Variants in ATP10B observed in about 807,000 individuals in gnomAD.
The protein encoded by ATP10B is phospholipid-transporting ATPase VB.
ATP10B carries 122 observed loss-of-function variants against 141.2 expected under a neutral mutation model. That is an observed-to-expected ratio of 0.86 (90% confidence interval 0.75 to 1.00). ATP10B has a LOEUF of 1.00. Ranked by LOEUF, ATP10B falls within the 50% of genes least tolerant of loss-of-function variation. ATP10B has a pLI of 0.00. For synonymous variants in ATP10B, 685 were observed against 692.0 expected (o/e 0.99, Z 0.16); for missense variants, 1,876 against 1,825.3 (o/e 1.03, Z -0.51).
At chr5:160,689,896 C>A (rs1334203686) in intron 3 of ATP10B, among the ~76,000 whole-genome samples, 1 of 151,946 alleles carries the variant, frequency 6.6e-6, no homozygotes, top group African/African-American at 2.4e-5. Context: ...CCCATATAGC[C>A]AAGGCAATCC....
intron 1 of ATP10B, among the ~76,000 whole-genome samples, chr5:160,838,122 T>C (rs1326494803): frequency 6.6e-6 from 1 of 152,184 alleles, no homozygotes; most frequent in Non-Finnish European, 1.5e-5. Context: ...CATCAATTCA[T>C]GACGCCTCTC....
chr5:160,739,151 A>G (rs1051335702), intron 2 of ATP10B, among the ~76,000 whole-genome samples: 1 of 152,228 alleles, frequency 6.6e-6, no homozygotes, highest in Non-Finnish European at 1.5e-5. Context: ...CATTTATGGT[A>G]AAATCTTCAG....
intron 19 of ATP10B, 90 bp from the exon 20 acceptor site, chr5:160,604,131 T>C (rs1333739486): frequency 2.2e-6 from 2 of 904,738 alleles, no homozygotes; most frequent in Admixed American, 1.7e-5. Context: ...TTACATACAA[T>C]TGAATCCTTT....
At chr5:160,722,637 C>T (rs1766067592) in intron 2 of ATP10B, among the ~76,000 whole-genome samples, 1 of 152,156 alleles carries the variant, frequency 6.6e-6, no homozygotes, top group Non-Finnish European at 1.5e-5. Flanking sequence ...ATCTGATTTA[C>T]AAATGATCTC....
chr5:160,648,593 G>A (rs1455638404), intron 8 of ATP10B, among the ~76,000 whole-genome samples: 10 of 152,178 alleles, frequency 6.6e-5, no homozygotes, highest in Admixed American at 6.5e-4. Flanking sequence ...CTAATAGCAG[G>A]AGCCACTGTT....
chr5:160,704,914 C>CTTTTTTTTTTTTTTTTCTT (rs1764897828), intron 3 of ATP10B, among the ~76,000 whole-genome samples: 2 of 83,624 alleles, frequency 2.4e-5, no homozygotes, highest in Admixed American at 1.6e-4. Flanking sequence ...TTTCTTTCAT[C>CTTTTTTTTTTTTTTTTCTT]TTTTTTTTTT....
the ATP10B span, among the ~76,000 whole-genome samples, chr5:160,897,934 A>G: frequency 3.3e-5 from 5 of 152,220 alleles, no homozygotes; most frequent in African/African-American, 7.2e-5. Flanking sequence ...AAAACAAGCA[A>G]TGAGGAAACG....
intron 2 of ATP10B, among the ~76,000 whole-genome samples, chr5:160,776,401 G>C (rs963303624): frequency 1.3e-5 from 2 of 152,208 alleles, no homozygotes; most frequent in Non-Finnish European, 2.9e-5. Flanking sequence ...TAGTCAGCTG[G>C]TACTGTGTGC....
intron 14 of ATP10B, among the ~76,000 whole-genome samples, chr5:160,621,391 T>C (rs1468470946): frequency 6.6e-6 from 1 of 152,192 alleles, no homozygotes; most frequent in Non-Finnish European, 1.5e-5. Flanking sequence ...TCTCCTCGAC[T>C]CCAGAGGCTG....
chr5:160,835,348 T>C (rs1050881019), intron 1 of ATP10B, among the ~76,000 whole-genome samples: 2 of 152,098 alleles, frequency 1.3e-5, no homozygotes, highest in African/African-American at 4.8e-5. Flanking sequence ...GTCGGAAGAA[T>C]GTTTAGCTTT....
chr5:160,678,101 G>C (rs1001776425), intron 6 of ATP10B, among the ~76,000 whole-genome samples: 48 of 152,210 alleles, frequency 3.2e-4, no homozygotes, highest in African/African-American at 1.1e-3. Context: ...CTAACCTCTA[G>C]ACAGTTTTGC....
intron 2 of ATP10B, among the ~76,000 whole-genome samples, chr5:160,766,322 T>C (rs1483773691): frequency 7.1e-6 from 1 of 141,488 alleles, no homozygotes; most frequent in Non-Finnish European, 1.5e-5. Flanking sequence ...CACCAATCAA[T>C]GAGTGGATAA....
rs1754440434 is a variant in ATP10B at position 160,564,852 on chromosome 5, C to T, written c.*601G>A. 1.3e-5 allele frequency: 2 copies of T among 152,914 alleles called. No homozygotes were observed. The highest frequency in any genetic ancestry group is 2.1e-4 in the South Asian group (1 of 4,832). 9.5% of individuals were successfully genotyped at this position (152,914 alleles called of 1,614,324 possible). ...AGAGTCTGTGACACTGAGTTCAAAT[C>T]CACTTTTCTTTCTGGCTTTTAGTAG... On this transcript the variant is annotated 3_prime_UTR_variant, in exon 26 of 26. Coordinates refer to ENST00000327245, the MANE Select transcript of ATP10B (RefSeq NM_025153.3).
intron 2 of ATP10B, among the ~76,000 whole-genome samples, chr5:160,774,748 CAG>C (rs1351169840): frequency 1.3e-5 from 2 of 152,156 alleles, no homozygotes; most frequent in African/African-American, 4.8e-5. Context: ...TTGCAAGTAA[CAG>C]AGACACAAAC....
intron 19 of ATP10B, among the ~76,000 whole-genome samples, chr5:160,606,493 A>T (rs970946718): frequency 6.6e-6 from 1 of 152,304 alleles, no homozygotes; most frequent in Middle Eastern, 3.4e-3. Context: ...AGCTATCTGG[A>T]TTCACTGAAT....
At chr5:160,649,319 T>A (rs1170639347) in intron 7 of ATP10B, 63 bp from the exon 8 acceptor site, 3 of 1,172,778 alleles carry the variant, frequency 2.6e-6, no homozygotes, top group African/African-American at 1.5e-5. Context: ...ATAGGATCAC[T>A]GGGAGAGCTA....
At chr5:160,887,491 AC>A in the ATP10B span, among the ~76,000 whole-genome samples, 36 of 152,288 alleles carry the variant, frequency 2.4e-4, no homozygotes, top group Admixed American at 1.8e-3. Context: ...TGACTAAAAC[AC>A]AAGTGAGACC....
At chr5:160,909,255 C>T in the ATP10B span, among the ~76,000 whole-genome samples, 2 of 152,080 alleles carry the variant, frequency 1.3e-5, no homozygotes, top group Non-Finnish European at 1.5e-5. Flanking sequence ...GAATTCAAAA[C>T]GTGATGGAAG....
chr5:160,768,319 A>G (rs1349017095), intron 2 of ATP10B, among the ~76,000 whole-genome samples: 1 of 152,218 alleles, frequency 6.6e-6, no homozygotes, highest in Non-Finnish European at 1.5e-5. Context: ...ATTTAGACAG[A>G]TTATGCCATG....
Sources: gnomAD v4.1 joint callset for allele counts (sites outside exome capture counted in the v4.1 genomes callset) on GRCh38, gnomAD v4.1.1 for gene constraint, MANE v1.5 for transcripts, NCBI Gene and HGNC (gene_info 2026-07-23, HGNC 2026-07-21) for gene names.